CDH13: variants seen among roughly 807,000 people sequenced by gnomAD.
CDH13 encodes the protein cadherin 13, also known as cadherin-13.
CDH13 carries 24 observed loss-of-function variants against 63.8 expected under a neutral mutation model. The ratio of observed to expected loss-of-function variants is 0.38; its 90% CI spans 0.27 to 0.53. The LOEUF is 0.53. Among genes scored for constraint, CDH13 ranks in the 20% least tolerant of loss-of-function variants. The probability of loss-of-function intolerance (pLI) is 0.85; values close to 1 mark genes in which losing one functional copy is unlikely to be tolerated. For synonymous variants in CDH13, 503 were observed against 355.3 expected (o/e 1.42, Z -4.67); for missense variants, 1,049 against 903.1 (o/e 1.16, Z -2.07).
At chr16:82,903,672 G>A (rs891486504) in intron 2 of CDH13, among the ~76,000 whole-genome samples, 1 of 152,140 alleles carries the variant, frequency 6.6e-6, no homozygotes, top group African/African-American at 2.4e-5. Flanking sequence ...AGACCCTAAC[G>A]GGTTTTTTCC....
At chr16:82,854,727 A>T (rs368080693) in intron 1 of CDH13, among the ~76,000 whole-genome samples, 7 of 152,184 alleles carry the variant, frequency 4.6e-5, no homozygotes, top group African/African-American at 1.7e-4. Context: ...GCTCTAGATG[A>T]AGTTAGACTT....
chr16:83,579,720 A>G (rs539453920), intron 7 of CDH13, among the ~76,000 whole-genome samples: 1 of 152,044 alleles, frequency 6.6e-6, no homozygotes, highest in Non-Finnish European at 1.5e-5. Flanking sequence ...AGCTGTACTG[A>G]TGTGAATGGA....
intron 1 of CDH13, among the ~76,000 whole-genome samples, chr16:82,777,420 A>AT (rs779517817): frequency 2.0e-5 from 3 of 152,168 alleles, no homozygotes; most frequent in Non-Finnish European, 4.4e-5. Context: ...CCGGGCTTTA[A>AT]TTTTGCTTAA....
intron 5 of CDH13, among the ~76,000 whole-genome samples, chr16:83,233,209 C>G (rs1168007934): frequency 1.3e-5 from 2 of 152,218 alleles, no homozygotes; most frequent in African/African-American, 4.8e-5. Context: ...GCAGTTTTCT[C>G]CCTTAGGACC....
chr16:83,089,883 G>A (rs544167451), intron 3 of CDH13, among the ~76,000 whole-genome samples: 6 of 152,102 alleles, frequency 3.9e-5, no homozygotes, highest in Non-Finnish European at 7.4e-5. Context: ...AAGTCTCTGG[G>A]ATAGGGCCTA....
At chr16:82,998,548 T>TTCA (rs1023026263) in intron 2 of CDH13, among the ~76,000 whole-genome samples, 28 of 152,240 alleles carry the variant, frequency 1.8e-4, no homozygotes, top group Admixed American at 7.9e-4. Context: ...TACTCTTGAC[T>TTCA]TCATCTGTCC....
chr16:83,596,689 G>A (rs1352671849), intron 7 of CDH13, among the ~76,000 whole-genome samples: 2 of 152,198 alleles, frequency 1.3e-5, no homozygotes, highest in Non-Finnish European at 2.9e-5. Flanking sequence ...TGAGGATCGG[G>A]AAGTAGGTCA....
At chr16:83,297,260 T>A (rs991583120) in intron 5 of CDH13, among the ~76,000 whole-genome samples, 1 of 152,096 alleles carries the variant, frequency 6.6e-6, no homozygotes, top group Non-Finnish European at 1.5e-5. Context: ...AAATGGCAAG[T>A]GTTTGAGATG....
At chr16:83,687,736 A>C (rs1344988834) in intron 10 of CDH13, among the ~76,000 whole-genome samples, 1 of 152,216 alleles carries the variant, frequency 6.6e-6, no homozygotes, top group Non-Finnish European at 1.5e-5. Context: ...GCTAGCAGGG[A>C]GACTTTAGAA....
intron 7 of CDH13, among the ~76,000 whole-genome samples, chr16:83,596,170 A>G (rs1321994454): frequency 6.6e-6 from 1 of 152,200 alleles, no homozygotes; most frequent in Non-Finnish European, 1.5e-5. Flanking sequence ...CTTCTCACTG[A>G]TGAGTTCACT....
chr16:83,381,670 TC>T (rs1555539145), intron 6 of CDH13, among the ~76,000 whole-genome samples: 2 of 151,894 alleles, frequency 1.3e-5, no homozygotes, highest in Non-Finnish European at 2.9e-5. Context: ...CACTTGTCTA[TC>T]TGAGTCAAAT....
rs71376305 is a variant in CDH13, at chr16:82,961,572, TAAAA to T, written c.158-70417_158-70414del. Among the ~76,000 whole-genome samples the T allele has an allele frequency of 6.0e-3, 625 of 103,390 alleles. 3 individuals carry two copies. Among genetic ancestry groups the T allele is most frequent in the African/African-American group, 0.024 (605 of 24,928 alleles). 67.8% of individuals were successfully genotyped at this position (103,390 alleles called of 152,430 possible). ...TGTCCATAAGAATAAGCAGGGGACT[TAAAA>T]AAAAAAAAAAAAAAAAAAAACTACT... On this transcript the variant is annotated intron_variant, in intron 2 of 13. Coordinates refer to ENST00000567109, the MANE Select transcript of CDH13 (RefSeq NM_001257.5).
intron 2 of CDH13, among the ~76,000 whole-genome samples, chr16:83,000,655 C>T (rs533790354): frequency 6.7e-6 from 1 of 148,250 alleles, no homozygotes; most frequent in East Asian, 2.0e-4. Context: ...AGTGGCGCAA[C>T]TGCAAGCTCC....
chr16:82,697,739 T>TTG (rs56791322), intron 1 of CDH13, among the ~76,000 whole-genome samples: 124 of 146,674 alleles, frequency 8.5e-4, no homozygotes, highest in African/African-American at 3.1e-3. Context: ...GGCCGAGGCA[T>TTG]TGTGTGTGTG....
At chr16:82,845,320 C>T (rs2039211895) in intron 1 of CDH13, among the ~76,000 whole-genome samples, 1 of 152,196 alleles carries the variant, frequency 6.6e-6, no homozygotes, top group African/African-American at 2.4e-5. Context: ...AGCATTAACT[C>T]CCCCTCCTTT....
chr16:82,946,001 G>A (rs1437615819), intron 2 of CDH13, among the ~76,000 whole-genome samples: 2 of 152,050 alleles, frequency 1.3e-5, no homozygotes, highest in Non-Finnish European at 2.9e-5. Flanking sequence ...CGTATGTTTT[G>A]TAATTCTGAA....
At chr16:83,035,018 G>C (rs1916720580) in intron 3 of CDH13, among the ~76,000 whole-genome samples, 1 of 152,040 alleles carries the variant, frequency 6.6e-6, no homozygotes, top group Admixed American at 6.5e-5. Flanking sequence ...CCCACGTCCA[G>C]TAATTTTATG....
At chr16:83,479,789 G>A (rs1333039230) in intron 6 of CDH13, among the ~76,000 whole-genome samples, 1 of 152,212 alleles carries the variant, frequency 6.6e-6, no homozygotes, top group Non-Finnish European at 1.5e-5. Flanking sequence ...GGAGAGAGGG[G>A]TTTATCACAT....
chr16:83,385,041 G>C (rs973940915), intron 6 of CDH13, among the ~76,000 whole-genome samples: 1 of 152,172 alleles, frequency 6.6e-6, no homozygotes, highest in African/African-American at 2.4e-5. Context: ...CAGCACAGGT[G>C]GCCCCTACTG....
Sources: allele counts gnomAD v4.1 joint callset (sites outside exome capture counted in the v4.1 genomes callset), GRCh38; gene constraint gnomAD v4.1.1; transcripts MANE v1.5; gene names NCBI Gene and HGNC (gene_info 2026-07-23, HGNC 2026-07-21).